The following AK5 variants were observed in gnomAD, a reference collection of about 807,000 sequenced individuals.
The protein encoded by AK5 is adenylate kinase isoenzyme 5.
Under a neutral mutation model 69.5 loss-of-function variants are expected in AK5, and 27 were observed. That is an observed-to-expected ratio of 0.39 (90% CI 0.29 to 0.54). AK5 has a LOEUF of 0.54. Ranked by LOEUF, AK5 falls within the 20% of genes least tolerant of loss-of-function variation. The pLI is 0.71. For synonymous variants in AK5, 260 were observed against 244.4 expected (o/e 1.06, Z -0.60); for missense variants, 531 against 700.4 (o/e 0.76, Z 2.73).
intron 1 of AK5, chr1:77,282,686 C>T (rs1658128040): frequency 1.3e-5 from 15 of 1,126,348 alleles, no homozygotes; most frequent in African/African-American, 3.3e-5. Flanking sequence ...AGACCGCGGC[C>T]GGGCCGCACT....
chr1:77,317,907 T>C lies in AK5; in HGVS notation c.699+19960T>C, dbSNP rs1398398614. Among the ~76,000 whole-genome samples, 2 of 152,210 alleles carry C rather than the reference T, an allele frequency of 1.3e-5. 1 individual carries two copies. Among genetic ancestry groups the C allele is most frequent in the Non-Finnish European group, 2.9e-5 (2 of 68,036 alleles). The stretch of plus-strand genomic sequence containing the variant: ...TCTGCAAGTTTACAAATCAGCAACT[T>C]TTAGTAACGTTTATTCTTAAACACA... On this transcript the variant is annotated intron_variant, in intron 5 of 13. Coordinates refer to ENST00000354567, the MANE Select transcript of AK5 (RefSeq NM_174858.3).
At chr1:77,411,179 A>T (rs1365525827) in intron 7 of AK5, 108 bp downstream of exon 7, 1 of 867,366 alleles carries the variant, frequency 1.2e-6, no homozygotes, top group African/African-American at 1.7e-5. Context: ...GTTTTGAAGG[A>T]TGACAAAGTC....
intron 13 of AK5, among the ~76,000 whole-genome samples, chr1:77,539,821 G>A (rs544354105): frequency 6.6e-6 from 1 of 152,172 alleles, no homozygotes; most frequent in Non-Finnish European, 1.5e-5. Context: ...CCTCCTCCCT[G>A]TTGTTTTACT....
At chr1:77,436,665 G>T (rs969669446) in intron 8 of AK5, among the ~76,000 whole-genome samples, 8 of 151,608 alleles carry the variant, frequency 5.3e-5, no homozygotes, top group Admixed American at 2.0e-4. Flanking sequence ...TTATCAAAAA[G>T]ATTTTTTGAA....
At chr1:77,294,440 G>T (rs1658873142) in intron 3 of AK5, among the ~76,000 whole-genome samples, 1 of 151,976 alleles carries the variant, frequency 6.6e-6, no homozygotes, top group Non-Finnish European at 1.5e-5. Flanking sequence ...AACATGATGT[G>T]ATTTTTCCCC....
At chr1:77,508,753 GC>G (rs2100284051) in intron 10 of AK5, among the ~76,000 whole-genome samples, 1 of 152,104 alleles carries the variant, frequency 6.6e-6, no homozygotes, top group South Asian at 2.1e-4. Context: ...TGTAATCCCA[GC>G]TACTCGAGAG....
chr1:77,550,301 T>C (rs1260331782), intron 13 of AK5, among the ~76,000 whole-genome samples: 1 of 152,202 alleles, frequency 6.6e-6, no homozygotes, highest in Non-Finnish European at 1.5e-5. Context: ...CTAAATTAAA[T>C]ACATTAAGAC....
At chr1:77,336,768 C>G (rs1661385667) in intron 5 of AK5, among the ~76,000 whole-genome samples, 1 of 152,106 alleles carries the variant, frequency 6.6e-6, no homozygotes, top group Non-Finnish European at 1.5e-5. Context: ...TTGATGAAAT[C>G]TCTCAGCTTT....
intron 6 of AK5, among the ~76,000 whole-genome samples, chr1:77,386,046 A>T (rs2100514147): frequency 6.6e-6 from 1 of 152,306 alleles, no homozygotes; most frequent in African/African-American, 2.4e-5. Context: ...CTGTGTATAT[A>T]TTACTTTGAT....
chr1:77,382,083 T>A (rs1260046017), intron 6 of AK5, among the ~76,000 whole-genome samples: 4 of 152,190 alleles, frequency 2.6e-5, no homozygotes, highest in Admixed American at 1.3e-4. Context: ...CCATGAACTT[T>A]TATAAAAAAG....
chr1:77,475,459 TATATATTATATATG>T, intron 8 of AK5, among the ~76,000 whole-genome samples: 1 of 4,308 alleles, frequency 2.3e-4, no homozygotes, highest in Non-Finnish European at 7.8e-4. Flanking sequence ...TATATACAAA[TATATATTATATATG>T]TATATATATT....
chr1:77,450,117 G>A (rs1159878847), intron 8 of AK5, among the ~76,000 whole-genome samples: 1 of 152,116 alleles, frequency 6.6e-6, no homozygotes, highest in Non-Finnish European at 1.5e-5. Context: ...CTTTGCTGCA[G>A]TTCCCAACAA....
intron 13 of AK5, among the ~76,000 whole-genome samples, chr1:77,541,421 G>T (rs969239831): frequency 1.3e-5 from 2 of 152,076 alleles, no homozygotes; most frequent in Admixed American, 6.6e-5. Flanking sequence ...TCCAAAAAAA[G>T]AAAAAAGAAA....
intron 7 of AK5, among the ~76,000 whole-genome samples, chr1:77,412,254 TG>T (rs1456381117): frequency 6.6e-6 from 1 of 152,160 alleles, no homozygotes; most frequent in Non-Finnish European, 1.5e-5. Context: ...GCAACTGTGC[TG>T]GTTTCTGTAC....
At chr1:77,544,304 T>C (rs1424465933) in intron 13 of AK5, among the ~76,000 whole-genome samples, 2 of 152,230 alleles carry the variant, frequency 1.3e-5, no homozygotes, top group East Asian at 3.8e-4. Flanking sequence ...TATACTACTG[T>C]AGGCTTTATA....
At chr1:77,536,379 C>T (rs914914182) in intron 13 of AK5, among the ~76,000 whole-genome samples, 1 of 152,144 alleles carries the variant, frequency 6.6e-6, no homozygotes, top group Non-Finnish European at 1.5e-5. Context: ...GCTTGAGCCC[C>T]AGAGGTGGAG....
intron 6 of AK5, among the ~76,000 whole-genome samples, chr1:77,404,843 A>G (rs542564653): frequency 1.3e-5 from 2 of 152,340 alleles, no homozygotes; most frequent in South Asian, 2.1e-4. Context: ...TAGCTAGTAC[A>G]TAGTAGTTAT....
At chr1:77,404,969 C>T (rs971941889) in intron 6 of AK5, among the ~76,000 whole-genome samples, 2 of 152,162 alleles carry the variant, frequency 1.3e-5, no homozygotes, top group African/African-American at 4.8e-5. Flanking sequence ...TCAAATTACT[C>T]GGAGGATATA....
At chr1:77,376,323 A>G (rs1037146188) in intron 6 of AK5, among the ~76,000 whole-genome samples, 1 of 151,648 alleles carries the variant, frequency 6.6e-6, no homozygotes, top group African/African-American at 2.4e-5. Flanking sequence ...AGGTCGAAGC[A>G]GACTCTGATG....
Sources: allele counts gnomAD v4.1 joint callset (sites outside exome capture counted in the v4.1 genomes callset), GRCh38; gene constraint gnomAD v4.1.1; transcripts MANE v1.5; gene names NCBI Gene and HGNC (gene_info 2026-07-23, HGNC 2026-07-21).